Variants in GPC4 observed in about 807,000 individuals in gnomAD.
The protein encoded by GPC4 is glypican-4.
In GPC4, 10 loss-of-function variants were observed where a neutral mutation model predicts 35.0. The ratio of observed to expected loss-of-function variants is 0.29; its 90% CI spans 0.18 to 0.48. The LOEUF is 0.48. GPC4 is among the 20% of genes least tolerant of loss of function. The pLI is 0.99. For missense variants in GPC4, 322 were observed against 451.3 expected (o/e 0.71, Z 2.60); for synonymous variants, 167 against 170.2 (o/e 0.98, Z 0.15).
intron 1 of GPC4, among the ~76,000 whole-genome samples, chrX:133,355,098 G>A (rs1207510385): frequency 8.9e-6 from 1 of 111,827 alleles, no homozygotes; most frequent in Non-Finnish European, 1.9e-5. Flanking sequence ...GTTCTACCAG[G>A]CTATCCAGAA....
intron 1 of GPC4, among the ~76,000 whole-genome samples, chrX:133,344,376 C>A (rs760264383): frequency 9.4e-6 from 1 of 106,902 alleles, no homozygotes; most frequent in African/African-American, 3.4e-5. Context: ...CAGGCATGCG[C>A]CACCACACCC....
At position 133,415,402 on chromosome X, in the gene GPC4, T is replaced by C. The variant is rs1448136496; in HGVS notation, c.-437A>G. 8.0e-6 allele frequency: 1 copy of C among 125,235 alleles called. No homozygotes were observed. Among genetic ancestry groups the C allele is most frequent in the Non-Finnish European group, 1.6e-5 (1 of 62,630 alleles). 10.3% of individuals were successfully genotyped at this position (125,235 alleles called of 1,213,427 possible). A position where few individuals can be genotyped will look rare whatever the true frequency, so the allele number is the denominator to read the frequency against. On this transcript the variant is annotated 5_prime_UTR_variant, in exon 1 of 9. Coordinates refer to ENST00000370828, the MANE Select transcript of GPC4 (RefSeq NM_001448.3). ...GCGCGCTGCTTGGGCTGCCCTGCGC[T>C]GGTCCGCTCGTCCGGCTGGACTCGG...
At chrX:133,303,364 T>A (rs965345914) in intron 7 of GPC4, 23 bp from the exon 8 acceptor site, 3 of 1,179,324 alleles carry the variant, frequency 2.5e-6, no homozygotes, top group Non-Finnish European at 3.4e-6. Context: ...ATGACCCCAG[T>A]AAGATGATTC....
intron 1 of GPC4, among the ~76,000 whole-genome samples, chrX:133,408,678 G>A (rs1173280100): frequency 9.0e-6 from 1 of 111,158 alleles, no homozygotes; most frequent in East Asian, 2.8e-4. Context: ...GTTGCGGAGA[G>A]CTGAGATCGT....
chrX:133,413,634 C>G (rs931426505), intron 1 of GPC4, among the ~76,000 whole-genome samples: 263 of 110,612 alleles, frequency 2.4e-3, no homozygotes, highest in East Asian at 9.3e-3. Flanking sequence ...GGCTCAGCCC[C>G]CCCCCCGGGC....
chrX:133,391,638 GA>G (rs1178980314), intron 1 of GPC4, among the ~76,000 whole-genome samples: 1 of 111,899 alleles, frequency 8.9e-6, no homozygotes. Context: ...GAGGGCATGG[GA>G]ATCAGAAAAG....
intron 1 of GPC4, among the ~76,000 whole-genome samples, chrX:133,390,687 C>G (rs189121858): frequency 8.9e-6 from 1 of 112,404 alleles, no homozygotes; most frequent in East Asian, 2.8e-4. Flanking sequence ...AAAGAGCTTT[C>G]CTCTTATTCC....
At chrX:133,313,479 C>T (rs1346212815) in intron 3 of GPC4, among the ~76,000 whole-genome samples, 1 of 112,438 alleles carries the variant, frequency 8.9e-6, no homozygotes. Flanking sequence ...GGAGGAATGG[C>T]CTTTTCTGGA....
At chrX:133,349,673 C>T (rs140636705) in intron 1 of GPC4, among the ~76,000 whole-genome samples, 5 of 112,152 alleles carry the variant, frequency 4.5e-5, no homozygotes, top group East Asian at 5.6e-4. Flanking sequence ...CAGGATGGAG[C>T]GCAGTGGCGT....
Position 133,302,472 on chromosome X carries a change from T to C in GPC4, c.*395A>G, listed in dbSNP as rs1387682238. The C allele has an allele frequency of 7.9e-6, 1 of 126,935 alleles. No homozygotes were observed. The highest frequency in any genetic ancestry group is 1.6e-5 in the Non-Finnish European group (1 of 63,531). 10.5% of individuals were successfully genotyped at this position (126,935 alleles called of 1,213,427 possible). A position where few individuals can be genotyped will look rare whatever the true frequency, so the allele number is the denominator to read the frequency against. On this transcript the variant is annotated 3_prime_UTR_variant, in exon 9 of 9. Coordinates refer to ENST00000370828, the MANE Select transcript of GPC4 (RefSeq NM_001448.3). ...ATTTAATATTTCAGAAATACGTACA[T>C]GTTACGTGCCAAGAAGGGACCCTGG...
intron 1 of GPC4, among the ~76,000 whole-genome samples, chrX:133,411,725 G>T (rs770511634): frequency 2.7e-5 from 3 of 111,451 alleles, no homozygotes; most frequent in Non-Finnish European, 5.6e-5. Flanking sequence ...CATAGTGGGC[G>T]CTCCAAAAGT....
intron 1 of GPC4, among the ~76,000 whole-genome samples, chrX:133,397,371 C>T (rs967422094): frequency 3.6e-5 from 4 of 110,761 alleles, no homozygotes; most frequent in African/African-American, 1.3e-4. Context: ...CTGGCCTGGG[C>T]GATATGGCAA....
chrX:133,407,168 C>T (rs1014805616), intron 1 of GPC4, among the ~76,000 whole-genome samples: 1 of 111,148 alleles, frequency 9.0e-6, no homozygotes, highest in Non-Finnish European at 1.9e-5. Flanking sequence ...AGTATTATTT[C>T]ATTGGTATGG....
intron 1 of GPC4, among the ~76,000 whole-genome samples, chrX:133,413,647 G>A (rs1181765795): frequency 9.5e-6 from 1 of 105,760 alleles, no homozygotes; most frequent in Non-Finnish European, 1.9e-5. Context: ...CCCCGGGCTC[G>A]AATCTCTCAC....
At chrX:133,376,571 CAG>C (rs755357289) in intron 1 of GPC4, among the ~76,000 whole-genome samples, 13 of 112,112 alleles carry the variant, frequency 1.2e-4, no homozygotes, top group Non-Finnish European at 1.9e-4. Context: ...GTTGGTAGCT[CAG>C]AGTTTTCCTA....
intron 1 of GPC4, among the ~76,000 whole-genome samples, chrX:133,404,837 G>A (rs2068780010): frequency 1.3e-5 from 1 of 78,250 alleles, no homozygotes; most frequent in Admixed American, 1.3e-4. Flanking sequence ...GGACAAAAGA[G>A]TGAGACCCTG....
intron 2 of GPC4, among the ~76,000 whole-genome samples, chrX:133,331,154 A>G (rs1411876732): frequency 9.0e-6 from 1 of 111,610 alleles, no homozygotes; most frequent in African/African-American, 3.3e-5. Context: ...AATAAATACA[A>G]TGTTTACTGA....
chrX:133,350,640 A>G (rs1012644795), intron 1 of GPC4, among the ~76,000 whole-genome samples: 2 of 112,459 alleles, frequency 1.8e-5, no homozygotes, highest in African/African-American at 6.5e-5. Flanking sequence ...TGCAGAGGAA[A>G]GTAAGATTTA....
chrX:133,326,893 T>C (rs1020092884), intron 2 of GPC4, among the ~76,000 whole-genome samples: 4 of 112,649 alleles, frequency 3.6e-5, no homozygotes, highest in Non-Finnish European at 7.5e-5. Context: ...ATCTGGTCCA[T>C]GTCCCACACC....
Sources: allele counts gnomAD v4.1 joint callset (sites outside exome capture counted in the v4.1 genomes callset), GRCh38; gene constraint gnomAD v4.1.1; transcripts MANE v1.5; gene names NCBI Gene and HGNC (gene_info 2026-07-23, HGNC 2026-07-21).